The following SENP6 variants were observed in gnomAD, a reference collection of about 807,000 sequenced individuals.
SENP6 encodes the protein SUMO specific peptidase 6, also known as sentrin-specific protease 6.
SENP6 carries 41 observed loss-of-function variants against 134.5 expected under a neutral mutation model. The ratio of observed to expected loss-of-function variants is 0.30; its 90% CI spans 0.24 to 0.40. The LOEUF (loss-of-function observed/expected upper bound fraction) is 0.40, where lower values mean the gene tolerates loss of function less well. SENP6 is among the 10% of genes least tolerant of loss of function. The probability of loss-of-function intolerance (pLI) is 1.00; values close to 1 mark genes in which losing one functional copy is unlikely to be tolerated. For synonymous variants in SENP6, 395 were observed against 429.8 expected, an observed-to-expected ratio of 0.92 and a Z score of 1.00; for missense variants, 1,248 against 1,312.5, an observed-to-expected ratio of 0.95 and a Z score of 0.76.
At chr6:75,682,559 C>A (rs1218093107) in intron 16 of SENP6, among the ~76,000 whole-genome samples, 1 of 152,072 alleles carries the variant, frequency 6.6e-6, no homozygotes, top group Non-Finnish European at 1.5e-5. Context: ...TCCCCCAGCC[C>A]TCCATCCCAC....
intron 4 of SENP6, 59 bp from the exon 5 acceptor site, chr6:75,634,648 T>A (rs1322587451): frequency 9.8e-6 from 9 of 920,186 alleles, no homozygotes; most frequent in Admixed American, 2.8e-5. Flanking sequence ...AGATTTTTTT[T>A]ATAAATGTGT....
At position 75,638,842 on chromosome 6, in the gene SENP6, G is replaced by C. The variant is rs950869897; in HGVS notation, c.459-1842G>C. 2.0e-5 allele frequency among the ~76,000 whole-genome samples: 3 copies of C among 151,536 alleles called. No individual in the cohort carries two copies. The South Asian group carries it at 6.3e-4, about 32-fold the overall frequency. ...GGAGGGCAAAATAGGAGGATAGCCT[G>C]AGCCCAGGAGTTCGAGACCAGCCTT... On this transcript the variant is annotated intron_variant, in intron 5 of 23. Transcript: ENST00000447266.
At chr6:75,628,378 A>T (rs1768859000) in intron 3 of SENP6, among the ~76,000 whole-genome samples, 1 of 152,162 alleles carries the variant, frequency 6.6e-6, no homozygotes, top group African/African-American at 2.4e-5. Context: ...CTGAGTTGTC[A>T]TTATAATTAT....
At chr6:75,630,417 A>G (rs1769023774) in intron 3 of SENP6, among the ~76,000 whole-genome samples, 1 of 152,216 alleles carries the variant, frequency 6.6e-6, no homozygotes, top group South Asian at 2.1e-4. Context: ...AAGAAAAAGC[A>G]CAAAACACCT....
intron 16 of SENP6, among the ~76,000 whole-genome samples, chr6:75,693,732 G>T (rs903717610): frequency 2.0e-5 from 3 of 152,094 alleles, no homozygotes; most frequent in Non-Finnish European, 2.9e-5. Flanking sequence ...GTGCCCTCTA[G>T]GGGGCCAGAT....
At chr6:75,708,988 A>G (rs534204837) in intron 19 of SENP6, among the ~76,000 whole-genome samples, 7 of 152,318 alleles carry the variant, frequency 4.6e-5, no homozygotes, top group African/African-American at 1.7e-4. Context: ...TTTCAGCAAA[A>G]TAGTTGCTTA....
At chr6:75,612,989 C>T (rs977208254) in intron 1 of SENP6, among the ~76,000 whole-genome samples, 1 of 152,106 alleles carries the variant, frequency 6.6e-6, no homozygotes. Flanking sequence ...TGGCATATGC[C>T]TGTAATCCCA....
chr6:75,609,562 A>G (rs983579957), intron 1 of SENP6, among the ~76,000 whole-genome samples: 4 of 152,054 alleles, frequency 2.6e-5, no homozygotes, highest in Non-Finnish European at 5.9e-5. Context: ...TCCCATACCT[A>G]CCTGGTATTT....
chr6:75,646,914 C>T (rs1770495540), intron 6 of SENP6: 1 of 150,054 alleles, frequency 6.7e-6, no homozygotes, highest in Admixed American at 6.6e-5. Flanking sequence ...ATTTTGTTTT[C>T]AGTTCAAGTG....
chr6:75,682,452 A>G, intron 16 of SENP6, among the ~76,000 whole-genome samples: 1 of 152,012 alleles, frequency 6.6e-6, no homozygotes, highest in East Asian at 1.9e-4. Context: ...CATGTGCACA[A>G]CATGCAGGTT....
chr6:75,681,127 C>T (rs956876980), intron 16 of SENP6, among the ~76,000 whole-genome samples: 1 of 152,044 alleles, frequency 6.6e-6, no homozygotes, highest in Middle Eastern at 3.2e-3. Flanking sequence ...GGTTTGTGTC[C>T]CCGCCCAAAT....
intron 3 of SENP6, among the ~76,000 whole-genome samples, chr6:75,625,198 G>A (rs1223568271): frequency 1.4e-5 from 2 of 138,130 alleles, no homozygotes; most frequent in Non-Finnish European, 1.5e-5. Flanking sequence ...TGCCACCTCT[G>A]TCTCCCGGGT....
intron 1 of SENP6, among the ~76,000 whole-genome samples, chr6:75,613,989 G>T (rs983028742): frequency 1.3e-5 from 2 of 152,106 alleles, no homozygotes; most frequent in Non-Finnish European, 2.9e-5. Flanking sequence ...TTCAGACTTT[G>T]TCTTTCTTGA....
intron 1 of SENP6, among the ~76,000 whole-genome samples, chr6:75,603,583 G>A (rs1369612383): frequency 6.6e-6 from 1 of 152,130 alleles, no homozygotes; most frequent in East Asian, 1.9e-4. Flanking sequence ...CTTTTAGTAT[G>A]TTTCGGAAAG....
At chr6:75,671,586 G>A (rs1772680860) in intron 11 of SENP6, among the ~76,000 whole-genome samples, 1 of 152,170 alleles carries the variant, frequency 6.6e-6, no homozygotes. Context: ...GCCGGGGGCA[G>A]TGGCATGTGC....
intron 9 of SENP6, among the ~76,000 whole-genome samples, chr6:75,664,805 T>A (rs775061): frequency 0.08 from 12,135 of 152,250 alleles, 1,074 homozygotes; most frequent in African/African-American, 0.22. Flanking sequence ...GACTTTTGAA[T>A]GCTTTTTCTG....
chr6:75,686,511 C>T (rs569073506), intron 16 of SENP6, among the ~76,000 whole-genome samples: 2 of 152,258 alleles, frequency 1.3e-5, no homozygotes, highest in African/African-American at 2.4e-5. Context: ...TACAATTTGG[C>T]CTGTTTTTGC....
chr6:75,693,409 TAA>T (rs534341760), intron 16 of SENP6, among the ~76,000 whole-genome samples: 29 of 123,928 alleles, frequency 2.3e-4, no homozygotes, highest in Admixed American at 2.6e-4. Flanking sequence ...GTCTGAAATT[TAA>T]AAAAAAAAAA....
intron 11 of SENP6, among the ~76,000 whole-genome samples, chr6:75,673,894 A>T (rs577224743): frequency 6.6e-6 from 1 of 151,436 alleles, no homozygotes; most frequent in Non-Finnish European, 1.5e-5. Flanking sequence ...GGTGGCGTGC[A>T]CCCGTAACCC....
Sources: gnomAD v4.1 joint callset for allele counts (sites outside exome capture counted in the v4.1 genomes callset) on GRCh38, gnomAD v4.1.1 for gene constraint, MANE v1.5 for transcripts, NCBI Gene and HGNC (gene_info 2026-07-23, HGNC 2026-07-21) for gene names.